Variants in TMEM231 observed in about 807,000 individuals in gnomAD.
TMEM231 encodes transmembrane protein 231.
In TMEM231, 40 loss-of-function variants were observed where a neutral mutation model predicts 38.5. The ratio of observed to expected loss-of-function variants is 1.04; its 90% confidence interval spans 0.81 to 1.35. The LOEUF is 1.35. TMEM231 is among the 40% of genes most tolerant of loss of function. The pLI is 0.00. For synonymous variants in TMEM231, 199 were observed against 181.7 expected (o/e 1.10, Z -0.77); for missense variants, 420 against 416.9 (o/e 1.01, Z -0.07).
At chr16:75,553,234 A>T (rs2080780389) in intron 2 of TMEM231, among the ~76,000 whole-genome samples, 1 of 152,176 alleles carries the variant, frequency 6.6e-6, no homozygotes, top group Admixed American at 6.5e-5. Flanking sequence ...TCTATGTTCA[A>T]AGTTAGAAAA....
At chr16:75,551,088 G>A (rs1013042267) in intron 2 of TMEM231, among the ~76,000 whole-genome samples, 2 of 152,162 alleles carry the variant, frequency 1.3e-5, no homozygotes, top group South Asian at 2.1e-4. Flanking sequence ...TGTCATCACC[G>A]GGTGCTCCTT....
In TMEM231 at chr16:75,545,890, G is replaced by C. The variant is rs2151703073; in HGVS notation, c.374C>G (p.Pro125Arg). Residue 125 changes from proline (P) to arginine (R), a missense_variant, in exon 3 of 7, where the codon CCC (proline) becomes CGC (arginine). Physicochemically the swap from Pro to Arg is moderately radical, Grantham distance 103 (BLOSUM62 -2). Transcript: ENST00000258173. ...TDMLHFKLEL[P>R]LQSTEHVLGV... ...GAGAACGTGCTCCGTGGACTGCAGG[G>C]GAAGCTCCAGCTTAAAATGTAACAT... 6.8e-7 allele frequency: 1 copy of C among 1,481,232 alleles called. No homozygotes were observed. The highest frequency in any genetic ancestry group is 2.5e-5 in the East Asian group (1 of 39,492). The allele number at this position is 1,481,232 out of a possible 1,614,324, so 91.8% of individuals were successfully genotyped here.
Position 75,540,179 on chromosome 16 carries a change from G to A in TMEM231, c.771-5C>T, listed in dbSNP as rs769718978. On this transcript the variant is annotated splice_region_variant and splice_polypyrimidine_tract_variant and intron_variant, in intron 6 of 6. Transcript: ENST00000258173. ...TCCCAGAATCCTGGCTGATAAGTAT[G>A]GACAGTTAAGGAGTGAAGGGCCACA... 3.1e-6 allele frequency: 5 copies of A among 1,609,672 alleles called. No homozygotes were observed. Among genetic ancestry groups the A allele is most frequent in the South Asian group, 1.1e-5 (1 of 90,244 alleles).
chr16:75,551,599 TAA>T, intron 2 of TMEM231, among the ~76,000 whole-genome samples: 1 of 152,348 alleles, frequency 6.6e-6, no homozygotes, highest in African/African-American at 2.4e-5. Flanking sequence ...ACTTACTTTT[TAA>T]AAAGTTACTA....
At position 75,542,656 on chromosome 16, in the gene TMEM231, A is replaced by C; in HGVS notation, c.610T>G (p.Phe204Val). The C allele has an allele frequency of 1.2e-6, 2 of 1,613,846 alleles. No homozygotes were observed. Among genetic ancestry groups the C allele is most frequent in the Non-Finnish European group, 1.7e-6 (2 of 1,179,854 alleles). Residue 204 changes from phenylalanine (F) to valine (V), a missense_variant, in exon 5 of 7, where the codon TTT becomes GTT. Transcript: ENST00000258173. ...TGGGTGAGGTCGTAGTCATAGGCAA[A>C]GGGGCTGGTCCCGTTGATCACGGAT... ...NISVINGTSP[F>V]AYDYDLTHIV...
At position 75,555,958 on chromosome 16, in the gene TMEM231, C is replaced by G. The variant is rs1438919775; in HGVS notation, c.155G>C (p.Arg52Pro). 4 of 1,603,434 alleles carry G rather than the reference C, an allele frequency of 2.5e-6. No homozygotes were observed. Among genetic ancestry groups the G allele is most frequent in the African/African-American group, 1.3e-5 (1 of 74,686 alleles). Residue 52 changes from arginine (R) to proline (P), a missense_variant, in exon 2 of 7, where the codon CGG becomes CCG. By Grantham distance (103) the Arg-to-Pro change is moderately radical (BLOSUM62 -2). Transcript: ENST00000258173. ...AFRSHGFWLKRSSYEEQPTVR... is the reference protein window; with the variant it reads ...AFRSHGFWLKPSSYEEQPTVR... ...GGTCGGCTGCTCCTCGTAGCTGCTC[C>G]GCTTCAGCCAAAACCCTGAGTTAAA...
rs892349564 is a variant in TMEM231, at chr16:75,536,974, T to C, written c.*3020A>G. On this transcript the variant is annotated 3_prime_UTR_variant, in exon 7 of 7. Transcript: ENST00000258173. Reference sequence around the variant, plus strand: ...CTGTCTCTACTAAAAACACAAAAATTAGCCGGGCATGGTGGTGGGCACCCG... The same window carrying C: ...CTGTCTCTACTAAAAACACAAAAATCAGCCGGGCATGGTGGTGGGCACCCG... 1 of 151,826 alleles carries C rather than the reference T, an allele frequency of 6.6e-6. No homozygotes were observed. The highest frequency in any genetic ancestry group is 1.5e-5 in the Non-Finnish European group (1 of 67,986). 9.4% of individuals were successfully genotyped at this position (151,826 alleles called of 1,614,324 possible). A position where few individuals can be genotyped will look rare whatever the true frequency, so the allele number is the denominator to read the frequency against.
intron 4 of TMEM231, among the ~76,000 whole-genome samples, chr16:75,543,443 G>A (rs956969565): frequency 1.3e-5 from 2 of 152,056 alleles, no homozygotes; most frequent in Admixed American, 6.6e-5. Flanking sequence ...GGTGGCATAT[G>A]GCTGTAATCC....
At chr16:75,548,326 C>A (rs886903266) in intron 2 of TMEM231, among the ~76,000 whole-genome samples, 12 of 152,184 alleles carry the variant, frequency 7.9e-5, no homozygotes, top group African/African-American at 2.9e-4. Context: ...ATTCCAAGTT[C>A]GCGGGGGACA....
chr16:75,538,891 T>C lies in TMEM231; in HGVS notation c.*1103A>G, dbSNP rs1483953365. On this transcript the variant is annotated 3_prime_UTR_variant, in exon 7 of 7. Coordinates refer to ENST00000258173, the MANE Select transcript of TMEM231 (RefSeq NM_001077418.3). ...CCACGAGGGTAATCCACTGGACTGC[T>C]TGGTATTCTGCTAGTGGCCAGGCTG... The C allele has an allele frequency of 6.6e-6, 1 of 152,316 alleles. No homozygotes were observed. The highest frequency in any genetic ancestry group is 1.5e-5 in the Non-Finnish European group (1 of 68,104). 9.4% of individuals were successfully genotyped at this position (152,316 alleles called of 1,614,324 possible). A position where few individuals can be genotyped will look rare whatever the true frequency, so the allele number is the denominator to read the frequency against.
chr16:75,552,098 C>A (rs1395984618), intron 2 of TMEM231, among the ~76,000 whole-genome samples: 1 of 152,076 alleles, frequency 6.6e-6, no homozygotes. Flanking sequence ...TTCTATGCAA[C>A]TTTGTCCTTT....
chr16:75,542,780 C>T (rs1298511223), intron 4 of TMEM231, 97 bp from the exon 5 acceptor site: 3 of 1,007,982 alleles, frequency 3.0e-6, no homozygotes, highest in Admixed American at 2.2e-5. Flanking sequence ...CACAGAGCAC[C>T]CTCTTGTTCT....
Position 75,538,042 on chromosome 16 carries a change from C to T in TMEM231, c.*1952G>A, listed in dbSNP as rs1732858973. ...CATGGCTGTAGATGAGTAATAAAGA[C>T]AGGTGTGTGCAACCTCTGCCCTCCC... On this transcript the variant is annotated 3_prime_UTR_variant, in exon 7 of 7. Coordinates refer to ENST00000258173, the MANE Select transcript of TMEM231 (RefSeq NM_001077418.3). The T allele has an allele frequency of 6.6e-6, 1 of 152,212 alleles. No individual in the cohort carries two copies. Among genetic ancestry groups the T allele is most frequent in the Admixed American group, 6.5e-5 (1 of 15,274 alleles). The allele number at this position is 152,212 out of a possible 1,614,324, so 9.4% of individuals were successfully genotyped here. A position where few individuals can be genotyped will look rare whatever the true frequency, so the allele number is the denominator to read the frequency against.
intron 2 of TMEM231, 130 bp downstream of exon 2, chr16:75,555,674 C>T (rs925894290): frequency 1.2e-5 from 11 of 930,704 alleles, no homozygotes; most frequent in African/African-American, 1.7e-5. Flanking sequence ...GCCACCTTTG[C>T]GGGTTCGCGA....
chr16:75,543,095 G>A (rs895098042), intron 4 of TMEM231, among the ~76,000 whole-genome samples: 2 of 151,932 alleles, frequency 1.3e-5, no homozygotes, highest in African/African-American at 2.4e-5. Flanking sequence ...TTAACAGACC[G>A]TATTTTCGCC....
chr16:75,546,138 T>C, intron 2 of TMEM231, 184 bp from the exon 3 acceptor site: 1 of 1,526,858 alleles, frequency 6.5e-7, no homozygotes, highest in South Asian at 1.2e-5. Flanking sequence ...ACAAAGTGCA[T>C]GGTCCCTGAA....
intron 2 of TMEM231, among the ~76,000 whole-genome samples, chr16:75,554,545 C>CAAAAAA (rs1185694717): frequency 1.7e-4 from 16 of 93,986 alleles, no homozygotes; most frequent in African/African-American, 4.0e-4. Flanking sequence ...GACTGTGTCT[C>CAAAAAA]AAAAAAAAAA....
rs1183819842 is a variant in TMEM231 at position 75,545,965 on chromosome 16, C to G, written c.310-11G>C. 1 of 1,543,280 alleles carries G rather than the reference C, an allele frequency of 6.5e-7. No homozygotes were observed. Among genetic ancestry groups the G allele is most frequent in the Non-Finnish European group, 8.7e-7 (1 of 1,143,982 alleles). On this transcript the variant is annotated splice_polypyrimidine_tract_variant and intron_variant, in intron 2 of 6. Coordinates refer to ENST00000258173, the MANE Select transcript of TMEM231 (RefSeq NM_001077418.3). ...GTCTTCTTCTCTAGTCTAGGAAACCCAAACAGGCCCAGCAGCCCTGGTCAC... is the reference window on the plus strand; with the variant it reads ...GTCTTCTTCTCTAGTCTAGGAAACCGAAACAGGCCCAGCAGCCCTGGTCAC...
At chr16:75,545,082 A>G (rs1275370063) in intron 4 of TMEM231, among the ~76,000 whole-genome samples, 1 of 149,920 alleles carries the variant, frequency 6.7e-6, no homozygotes, top group Non-Finnish European at 1.5e-5. Context: ...CAGTCTCCCA[A>G]GTAGCTAGGA....
Sources: allele counts gnomAD v4.1 joint callset (sites outside exome capture counted in the v4.1 genomes callset), GRCh38; gene constraint gnomAD v4.1.1; transcripts MANE v1.5; gene names NCBI Gene and HGNC (gene_info 2026-07-23, HGNC 2026-07-21).